LRPPRC: variants seen among roughly 807,000 people sequenced by gnomAD.
The protein encoded by LRPPRC is leucine rich pentatricopeptide repeat containing.
Under a neutral mutation model 180.3 loss-of-function variants are expected in LRPPRC, and 120 were observed. The ratio of observed to expected loss-of-function variants is 0.67; its 90% confidence interval spans 0.57 to 0.77. The LOEUF (loss-of-function observed/expected upper bound fraction) is 0.77. Among genes scored for constraint, LRPPRC ranks in the 30% least tolerant of loss-of-function variants. LRPPRC has a pLI of 0.00. For missense variants in LRPPRC, 2,012 were observed against 1,657.2 expected, an observed-to-expected ratio of 1.21 and a Z score of -3.72; for synonymous variants, 723 against 600.0, an observed-to-expected ratio of 1.21 and a Z score of -3.00.
chr2:43,909,598 C>CA (rs914560864), intron 30 of LRPPRC, among the ~76,000 whole-genome samples: 2 of 135,798 alleles, frequency 1.5e-5, no homozygotes, highest in East Asian at 2.0e-4. Context: ...CTCTCTCACA[C>CA]AAAAAAACCC....
chr2:43,990,398 G>A (rs1292806850), intron 1 of LRPPRC, among the ~76,000 whole-genome samples: 1 of 152,086 alleles, frequency 6.6e-6, no homozygotes. Flanking sequence ...CTGCTAATTT[G>A]CAATACCAGT....
At position 43,888,587 on chromosome 2, in the gene LRPPRC, T is replaced by C. The variant is rs1306615929; in HGVS notation, c.*13A>G. ...TCACAAATATATACAAAACAAAGTA[T>C]CGCCTGGTTATTTCAAGAAGAGTTT... On this transcript the variant is annotated 3_prime_UTR_variant, in exon 38 of 38. Coordinates refer to ENST00000260665, the MANE Select transcript of LRPPRC (RefSeq NM_133259.4). The C allele has an allele frequency of 4.0e-6, 6 of 1,503,952 alleles. No individual in the cohort carries two copies. The Admixed American group carries it at 6.7e-5, about 17-fold the overall frequency. 93.2% of individuals were successfully genotyped at this position (1,503,952 alleles called of 1,614,324 possible).
At chr2:43,915,198 A>AATCTCTCTCTCTCTCTCTCT (rs1671406080) in intron 29 of LRPPRC, among the ~76,000 whole-genome samples, 1 of 63,388 alleles carries the variant, frequency 1.6e-5, no homozygotes, top group Non-Finnish European at 3.8e-5. Context: ...ACAGAACAAG[A>AATCTCTCTCTCTCTCTCTCT]CTCTCTCTCT....
intron 30 of LRPPRC, among the ~76,000 whole-genome samples, chr2:43,907,752 T>C (rs1671112394): frequency 6.6e-6 from 1 of 152,104 alleles, no homozygotes; most frequent in Non-Finnish European, 1.5e-5. Context: ...CCTCTTTCAA[T>C]TTACGACCAA....
rs1351428699 is a variant in LRPPRC at position 43,945,325 on chromosome 2, G to A, written c.2296+7C>T. On this transcript the variant is annotated splice_region_variant and intron_variant, in intron 22 of 37. Coordinates refer to ENST00000260665, the MANE Select transcript of LRPPRC (RefSeq NM_133259.4). ...ATCACATATTTCCTTTATGTGCTGA[G>A]GCTTACCTTGGAGCTTGCCATGCTT... is the stretch of plus-strand genomic sequence containing the variant. The A allele has an allele frequency of 1.3e-6, 2 of 1,599,090 alleles. No homozygotes were observed. The highest frequency in any genetic ancestry group is 1.1e-5 in the South Asian group (1 of 90,780).
intron 34 of LRPPRC, among the ~76,000 whole-genome samples, chr2:43,897,760 A>G (rs1670737202): frequency 6.6e-6 from 1 of 152,076 alleles, no homozygotes; most frequent in African/African-American, 2.4e-5. Context: ...GCTGCCACCC[A>G]CCCAGGCGGC....
intron 36 of LRPPRC, among the ~76,000 whole-genome samples, chr2:43,894,317 C>T (rs532777484): frequency 1.3e-5 from 2 of 152,132 alleles, no homozygotes; most frequent in East Asian, 3.8e-4. Context: ...TTCAGTGATA[C>T]TTTTTAATGT....
intron 1 of LRPPRC, among the ~76,000 whole-genome samples, chr2:43,988,364 C>T (rs1236938081): frequency 1.3e-5 from 2 of 152,158 alleles, no homozygotes; most frequent in Non-Finnish European, 2.9e-5. Context: ...TGAAGAAACC[C>T]CATCTCTACT....
At chr2:43,970,356 T>C (rs931318628) in intron 11 of LRPPRC, among the ~76,000 whole-genome samples, 4 of 152,194 alleles carry the variant, frequency 2.6e-5, no homozygotes, top group African/African-American at 9.7e-5. Flanking sequence ...TCAGGCAGCC[T>C]GAGAGAGCAG....
At chr2:43,977,087 A>C (rs1017362312) in intron 4 of LRPPRC, 35 bp from the exon 5 acceptor site, 1 of 1,608,970 alleles carries the variant, frequency 6.2e-7, no homozygotes, top group Non-Finnish European at 8.5e-7. Flanking sequence ...TTTTAAATAT[A>C]CTTTTTTTTC....
chr2:43,951,602 A>G (rs1387064921), intron 14 of LRPPRC, among the ~76,000 whole-genome samples: 7 of 152,236 alleles, frequency 4.6e-5, no homozygotes, highest in African/African-American at 9.6e-5. Flanking sequence ...ATTTATGGGT[A>G]GATGACAAAG....
chr2:43,955,487 A>G (rs1673073660), intron 14 of LRPPRC, among the ~76,000 whole-genome samples: 1 of 151,598 alleles, frequency 6.6e-6, no homozygotes, highest in South Asian at 2.1e-4. Context: ...AAAAAAAAAA[A>G]AAAAAGAAAA....
intron 25 of LRPPRC, 112 bp downstream of exon 25, chr2:43,934,078 A>G: frequency 1.4e-6 from 1 of 690,278 alleles, no homozygotes; most frequent in Non-Finnish European, 2.6e-6. Context: ...CTGGGATTGA[A>G]TTCTATTAAC....
chr2:43,950,569 T>G lies in LRPPRC; in HGVS notation c.1677+4A>C, dbSNP rs1558996430. ...TTATGATTTGCAATATTAGAGGGAC[T>G]TACCTCGCTCCAAAGATTTATATTC... On this transcript the variant is annotated splice_donor_region_variant and intron_variant, in intron 15 of 37. Coordinates refer to ENST00000260665, the MANE Select transcript of LRPPRC (RefSeq NM_133259.4). 2.5e-6 allele frequency: 4 copies of G among 1,612,798 alleles called. No individual in the cohort carries two copies. Among genetic ancestry groups the G allele is most frequent in the Non-Finnish European group, 3.4e-6 (4 of 1,179,000 alleles).
intron 1 of LRPPRC, among the ~76,000 whole-genome samples, chr2:43,990,308 T>G (rs6709791): frequency 6.6e-6 from 1 of 151,996 alleles, no homozygotes; most frequent in African/African-American, 2.4e-5. Flanking sequence ...CTGCTAACAC[T>G]CTCACCAATC....
At chr2:43,907,829 TCAGA>T (rs1346562446) in intron 30 of LRPPRC, among the ~76,000 whole-genome samples, 3 of 152,192 alleles carry the variant, frequency 2.0e-5, no homozygotes, top group Admixed American at 6.5e-5. Flanking sequence ...ATTGGACATT[TCAGA>T]GAATTTATTG....
intron 23 of LRPPRC, among the ~76,000 whole-genome samples, chr2:43,942,507 T>C (rs956859690): frequency 6.6e-6 from 1 of 152,172 alleles, no homozygotes; most frequent in Admixed American, 6.6e-5. Context: ...AACCCGGTAA[T>C]TGTTTTTGAT....
At position 43,947,312 on chromosome 2, in the gene LRPPRC, T is replaced by C. The variant is rs1672721549; in HGVS notation, c.2024A>G (p.Asn675Ser). ...ESTLETLKAENQPIRDVLKQL... is the reference protein window; with the variant it reads ...ESTLETLKAESQPIRDVLKQL... ...CTTTAGGACATCTCTTATAGGTTGA[T>C]TTTCAGCTTTTAGTGTTTCAAGTGT... Residue 675 changes from asparagine (N) to serine (S), a missense_variant, in exon 20 of 38, where the codon AAT becomes AGT. Coordinates refer to ENST00000260665, the MANE Select transcript of LRPPRC (RefSeq NM_133259.4). 2 of 1,607,516 alleles carry C rather than the reference T, an allele frequency of 1.2e-6. No homozygotes were observed. The highest frequency in any genetic ancestry group is 2.2e-5 in the East Asian group (1 of 44,728).
rs773515488 is a variant in LRPPRC at position 43,982,281 on chromosome 2, T to C, written c.303A>G (p.Pro101=). ...TAAAAACTTTTTGTAGAAGCTTCTT[T>C]GGAATGCGGCCAGTTCTTCGAACAG... The part of the protein sequence containing the change: ...DLSVRRTGRI[P]KKLLQKVFND... The change falls in exon 2 of 38, where the codon CCA becomes CCG. Residue 101 remains proline, a synonymous_variant. Transcript: ENST00000260665. The C allele has an allele frequency of 1.9e-6, 3 of 1,577,752 alleles. No homozygotes were observed. The highest frequency in any genetic ancestry group is 2.6e-6 in the Non-Finnish European group (3 of 1,164,814).
Sources: gnomAD v4.1 joint callset for allele counts (sites outside exome capture counted in the v4.1 genomes callset) on GRCh38, gnomAD v4.1.1 for gene constraint, MANE v1.5 for transcripts, NCBI Gene and HGNC (gene_info 2026-07-23, HGNC 2026-07-21) for gene names.